ZFX: variants seen among roughly 807,000 people sequenced by gnomAD.
ZFX encodes the protein zinc finger protein X-linked, also known as zinc finger X-chromosomal protein.
For synonymous variants in ZFX, 196 were observed against 226.8 expected (o/e 0.86, Z 1.22); for missense variants, 362 against 628.3 (o/e 0.58, Z 4.53).
intron 5 of ZFX, among the ~76,000 whole-genome samples, chrX:24,198,874 A>T (rs1424542152): frequency 8.9e-6 from 1 of 111,773 alleles, no homozygotes; most frequent in African/African-American, 3.3e-5. Flanking sequence ...TACAAATCTG[A>T]GTTATGGAGA....
At chrX:24,175,733 C>T (rs928366843) in intron 4 of ZFX, among the ~76,000 whole-genome samples, 3 of 111,202 alleles carry the variant, frequency 2.7e-5, no homozygotes, top group African/African-American at 9.8e-5. Context: ...TGCAGACCAC[C>T]ATGCCCGGCT....
rs192446269 is a variant in ZFX at position 24,208,456 on chromosome X, G to A, written c.1093+86G>A. On this transcript the variant is annotated intron_variant, in intron 8 of 9. Transcript: ENST00000304543. ...TGAAAAATGGTTTCTGTGGTCTTAG[G>A]TTTCAGAAGTCTGAAATACCAGTAT... is the stretch of plus-strand genomic sequence containing the variant. The A allele has an allele frequency of 2.9e-5, 32 of 1,095,719 alleles. No individual in the cohort carries two copies. The East Asian group carries it at 5.8e-4, about 20-fold the overall frequency. The allele number at this position is 1,095,719 out of a possible 1,213,427, so 90.3% of individuals were successfully genotyped here. A position where few individuals can be genotyped will look rare whatever the true frequency, so the allele number is the denominator to read the frequency against.
intron 3 of ZFX, among the ~76,000 whole-genome samples, chrX:24,170,686 T>C (rs1157138570): frequency 9.6e-6 from 1 of 103,692 alleles, no homozygotes; most frequent in Non-Finnish European, 2.0e-5. Context: ...TCTTGGCTCA[T>C]TGCAACCTCC....
intron 5 of ZFX, among the ~76,000 whole-genome samples, chrX:24,180,231 CAAA>C (rs1165967901): frequency 1.1e-5 from 1 of 87,518 alleles, no homozygotes; most frequent in Non-Finnish European, 2.3e-5. Flanking sequence ...GACTCCTTCT[CAAA>C]AAAAAAAAAG....
chrX:24,170,401 C>T (rs1032708784), intron 3 of ZFX, among the ~76,000 whole-genome samples: 10 of 109,380 alleles, frequency 9.1e-5, no homozygotes, highest in African/African-American at 3.3e-4. Context: ...AGGTGATCCA[C>T]CCGTCTCAGC....
chrX:24,193,107 A>G (rs955428833), intron 5 of ZFX, among the ~76,000 whole-genome samples: 2 of 111,439 alleles, frequency 1.8e-5, no homozygotes, highest in Non-Finnish European at 1.9e-5. Context: ...CAGATGGGCC[A>G]TTGAAAACAT....
At chrX:24,165,815 G>A (rs778954564) in intron 3 of ZFX, among the ~76,000 whole-genome samples, 56 of 112,340 alleles carry the variant, frequency 5.0e-4, no homozygotes, top group African/African-American at 1.8e-3. Flanking sequence ...TAGAGGAAAC[G>A]TGAATAGAAT....
intron 5 of ZFX, among the ~76,000 whole-genome samples, chrX:24,190,028 A>G (rs1936430065): frequency 2.7e-5 from 3 of 112,289 alleles, no homozygotes; most frequent in African/African-American, 9.7e-5. Context: ...TGAACTAAGG[A>G]TATTTTGGAG....
At chrX:24,194,454 G>C (rs967306517) in intron 5 of ZFX, among the ~76,000 whole-genome samples, 1 of 111,359 alleles carries the variant, frequency 9.0e-6, no homozygotes, top group African/African-American at 3.3e-5. Flanking sequence ...TAGGTTTATT[G>C]GCATGTCTAC....
At chrX:24,192,885 C>T (rs1326640053) in intron 5 of ZFX, among the ~76,000 whole-genome samples, 5 of 105,191 alleles carry the variant, frequency 4.8e-5, no homozygotes, top group Non-Finnish European at 9.7e-5. Flanking sequence ...CAGAGCGAGA[C>T]CCTGTCTCAA....
intron 3 of ZFX, among the ~76,000 whole-genome samples, chrX:24,160,135 G>A (rs1601805335): frequency 9.2e-6 from 1 of 108,956 alleles, no homozygotes; most frequent in African/African-American, 3.3e-5. Flanking sequence ...TACTCCTGTG[G>A]TTAATATTTT....
At chrX:24,167,343 C>T (rs1037805003) in intron 3 of ZFX, among the ~76,000 whole-genome samples, 6 of 111,424 alleles carry the variant, frequency 5.4e-5, no homozygotes, top group Admixed American at 1.9e-4. Context: ...CAGGAATTAT[C>T]ACTTGGGCTG....
At chrX:24,173,338 C>G (rs1253343384) in intron 4 of ZFX, among the ~76,000 whole-genome samples, 1 of 110,597 alleles carries the variant, frequency 9.0e-6, no homozygotes, top group East Asian at 2.8e-4. Flanking sequence ...TCTCTATTCT[C>G]TAATACCCAG....
intron 5 of ZFX, among the ~76,000 whole-genome samples, chrX:24,189,526 T>G (rs1015907818): frequency 8.9e-6 from 1 of 111,994 alleles, no homozygotes; most frequent in African/African-American, 3.2e-5. Flanking sequence ...ATACATAAAG[T>G]CCAAACCCCT....
intron 1 of ZFX, chrX:24,150,643 G>C (rs1288539605): frequency 8.8e-6 from 1 of 113,286 alleles, no homozygotes; most frequent in Non-Finnish European, 1.9e-5. Flanking sequence ...AGCCACCCGA[G>C]GGCAGTCGGG....
intron 4 of ZFX, among the ~76,000 whole-genome samples, chrX:24,175,238 G>A (rs969506942): frequency 2.7e-5 from 3 of 112,506 alleles, no homozygotes; most frequent in Non-Finnish European, 3.8e-5. Context: ...GCAAACCTAG[G>A]TAATGGACTA....
intron 3 of ZFX, among the ~76,000 whole-genome samples, chrX:24,158,498 T>C (rs2147274900): frequency 8.9e-6 from 1 of 112,458 alleles, no homozygotes; most frequent in African/African-American, 3.2e-5. Flanking sequence ...CATTGACTAA[T>C]TCCTCTATTG....
At chrX:24,184,355 ACTTTCTGCC>A (rs761480672) in intron 5 of ZFX, among the ~76,000 whole-genome samples, 13 of 111,619 alleles carry the variant, frequency 1.2e-4, no homozygotes, top group African/African-American at 4.2e-4. Flanking sequence ...TTCTCTCTGC[ACTTTCTGCC>A]CTTTCTGTCT....
intron 3 of ZFX, among the ~76,000 whole-genome samples, chrX:24,164,598 G>GTT (rs1933814345): frequency 9.0e-6 from 1 of 111,436 alleles, no homozygotes; most frequent in Admixed American, 9.6e-5. Context: ...CAGTGACAAG[G>GTT]GAGTTGGCAA....
Sources: gnomAD v4.1 joint callset for allele counts (sites outside exome capture counted in the v4.1 genomes callset) on GRCh38, gnomAD v4.1.1 for gene constraint, MANE v1.5 for transcripts, NCBI Gene and HGNC (gene_info 2026-07-23, HGNC 2026-07-21) for gene names.